Variants in ARID1A observed in about 807,000 individuals in gnomAD.
The protein encoded by ARID1A is AT-rich interaction domain 1A.
A neutral mutation model predicts 212.6 loss-of-function variants in ARID1A; 20 were observed. That is an observed-to-expected ratio of 0.09 (90% CI 0.07 to 0.14). ARID1A has a LOEUF of 0.14. ARID1A is among the 10% of genes least tolerant of loss of function. ARID1A has a pLI of 1.00. For missense variants in ARID1A, 2,587 were observed against 3,059.0 expected (o/e 0.85, Z 3.64); for synonymous variants, 1,376 against 1,222.1 (o/e 1.13, Z -2.63).
At position 26,696,431 on chromosome 1, in the gene ARID1A, G is replaced by A; in HGVS notation, c.28G>A (p.Ala10Thr). 4 of 1,291,436 alleles carry A rather than the reference G, an allele frequency of 3.1e-6. No homozygotes were observed. Among genetic ancestry groups the A allele is most frequent in the South Asian group, 2.3e-5 (1 of 43,950 alleles). The allele number at this position is 1,291,436 out of a possible 1,614,324, so 80.0% of individuals were successfully genotyped here. ...GGCCGCGCAGGTCGCCCCCGCCGCC[G>A]CCAGCAGCCTGGGCAACCCGCCGCC... MAAQVAPAA[A>T]SSLGNPPPPP... The change falls in exon 1 of 20, where the codon GCC becomes ACC. Residue 10 changes from alanine to threonine, a missense_variant. By Grantham distance (58) the Ala-to-Thr change is moderately conservative. Transcript: ENST00000324856.
rs1284353278 is a variant in ARID1A, at chr1:26,773,501, G to A, written c.3866+5G>A. On this transcript the variant is annotated splice_donor_5th_base_variant and intron_variant, in intron 15 of 19. Coordinates refer to ENST00000324856, the MANE Select transcript of ARID1A (RefSeq NM_006015.6). The stretch of plus-strand genomic sequence containing the variant: ...AGGTCCTTATGACAGAGTGAGGTAA[G>A]CATGACCCCAGCTCCTGTCCACTCC... 6.2e-7 allele frequency: 1 copy of A among 1,612,554 alleles called. No individual in the cohort carries two copies. Among genetic ancestry groups the A allele is most frequent in the Non-Finnish European group, 8.5e-7 (1 of 1,178,976 alleles).
chr1:26,745,271 C>G (rs1231213050), intron 4 of ARID1A, among the ~76,000 whole-genome samples: 1 of 152,106 alleles, frequency 6.6e-6, no homozygotes, highest in Non-Finnish European at 1.5e-5. Flanking sequence ...ACCTGTGGTC[C>G]AGAATCAGTA....
At chr1:26,772,701 G>T in intron 13 of ARID1A, 69 bp downstream of exon 13, 1 of 1,610,558 alleles carries the variant, frequency 6.2e-7, no homozygotes, top group Non-Finnish European at 8.5e-7. Context: ...ACTCCTTGCA[G>T]CCCAAGGTGG....
At position 26,774,698 on chromosome 1, in the gene ARID1A, G is replaced by A. The variant is rs2124119711; in HGVS notation, c.4471G>A (p.Val1491Ile). ...MGGPIQASAEVAQQGTMWQGR... is the reference protein window; with the variant it reads ...MGGPIQASAEIAQQGTMWQGR... The stretch of plus-strand genomic sequence containing the variant: ...CGGCCCCATACAGGCATCAGCTGAG[G>A]TTGCTCAGCAAGGCACCATGTGGCA... Residue 1491 changes from valine (V) to isoleucine (I), a missense_variant, in exon 18 of 20, where the codon GTT (valine) becomes ATT (isoleucine). Val to Ile is a conservative substitution (Grantham distance 29). Transcript: ENST00000324856. The surrounding 1 kb of genome is among the most constrained non-coding windows in gnomAD (Gnocchi z 5.6). 1 of 1,614,238 alleles carries A rather than the reference G, an allele frequency of 6.2e-7. No homozygotes were observed. The highest frequency in any genetic ancestry group is 8.5e-7 in the Non-Finnish European group (1 of 1,180,042).
intron 1 of ARID1A, chr1:26,729,272 G>A (rs758581482): frequency 2.7e-5 from 6 of 218,974 alleles, no homozygotes; most frequent in African/African-American, 9.0e-5. Flanking sequence ...TGAATTCCCC[G>A]TCATGGTATT....
chr1:26,737,807 G>A (rs377193836), intron 4 of ARID1A, among the ~76,000 whole-genome samples: 100 of 151,554 alleles, frequency 6.6e-4, no homozygotes, highest in African/African-American at 2.3e-3. Flanking sequence ...AGAGGTTGCG[G>A]TGAGCCAAGA....
intron 1 of ARID1A, among the ~76,000 whole-genome samples, chr1:26,707,189 G>A (rs933363962): frequency 2.7e-5 from 4 of 149,256 alleles, no homozygotes; most frequent in African/African-American, 4.9e-5. Flanking sequence ...ATGCGCCACC[G>A]CGGCTGGCTA....
chr1:26,707,692 T>C (rs1440238018), intron 1 of ARID1A, among the ~76,000 whole-genome samples: 1 of 152,216 alleles, frequency 6.6e-6, no homozygotes, highest in East Asian at 1.9e-4. Flanking sequence ...GTACTTATTA[T>C]GTGCTAAGCA....
At chr1:26,766,901 ATAGATGGGGTGTGCCATGGGCAAC>A (rs1458283588) in intron 10 of ARID1A, among the ~76,000 whole-genome samples, 1 of 152,092 alleles carries the variant, frequency 6.6e-6, no homozygotes, top group Admixed American at 6.5e-5. Context: ...TCAAGCATTG[ATAGATGGGGTGTGCCATGGGCAAC>A]TAGTTGCTCT....
intron 11 of ARID1A, chr1:26,770,583 C>T (rs2081074856): frequency 6.5e-6 from 1 of 153,266 alleles, no homozygotes; most frequent in Non-Finnish European, 1.5e-5. Context: ...CATGGTGAAA[C>T]CCCGTCTCTA....
At chr1:26,702,607 A>G (rs922361228) in intron 1 of ARID1A, among the ~76,000 whole-genome samples, 1 of 152,230 alleles carries the variant, frequency 6.6e-6, no homozygotes, top group Non-Finnish European at 1.5e-5. Context: ...AGGCAAATTA[A>G]TAAACAGTTT....
intron 8 of ARID1A, among the ~76,000 whole-genome samples, chr1:26,763,899 C>T (rs1043949475): frequency 6.6e-6 from 1 of 152,182 alleles, no homozygotes; most frequent in Admixed American, 6.5e-5. Context: ...AGTGATCCTC[C>T]CACCTCAGCC....
At chr1:26,747,947 C>G (rs2080853106) in intron 4 of ARID1A, among the ~76,000 whole-genome samples, 1 of 152,140 alleles carries the variant, frequency 6.6e-6, no homozygotes, top group Non-Finnish European at 1.5e-5. Context: ...GATTATAGCT[C>G]CCTTGTGTTC....
intron 1 of ARID1A, among the ~76,000 whole-genome samples, chr1:26,717,326 C>T (rs578026070): frequency 6.6e-6 from 1 of 152,222 alleles, no homozygotes; most frequent in African/African-American, 2.4e-5. Flanking sequence ...TGAACTGGCA[C>T]TGTAACAAGC....
chr1:26,761,510 G>C, intron 6 of ARID1A, 37 bp downstream of exon 6: 1 of 1,607,782 alleles, frequency 6.2e-7, no homozygotes, highest in African/African-American at 1.3e-5. Context: ...CAGGGAGCTA[G>C]GGCAGACATT....
chr1:26,764,517 G>C (rs1165194940), intron 8 of ARID1A: 1 of 152,168 alleles, frequency 6.6e-6, no homozygotes, highest in Non-Finnish European at 1.5e-5. Flanking sequence ...TCTGGTGCTA[G>C]AGTACAGAAG....
At chr1:26,699,595 G>A (rs1223234993) in intron 1 of ARID1A, among the ~76,000 whole-genome samples, 1 of 152,164 alleles carries the variant, frequency 6.6e-6, no homozygotes, top group African/African-American at 2.4e-5. Flanking sequence ...ACAAGAAATA[G>A]GGAAATGTTA....
chr1:26,742,819 A>C (rs184811489), intron 4 of ARID1A, among the ~76,000 whole-genome samples: 1 of 152,136 alleles, frequency 6.6e-6, no homozygotes, highest in Non-Finnish European at 1.5e-5. Context: ...AAATATAAAA[A>C]TTTAGCTGGG....
At chr1:26,722,452 G>T (rs901400255) in intron 1 of ARID1A, among the ~76,000 whole-genome samples, 1 of 152,144 alleles carries the variant, frequency 6.6e-6, no homozygotes, top group African/African-American at 2.4e-5. Context: ...CACCATGTTG[G>T]CCAGCCTGGT....
Sources: allele counts gnomAD v4.1 joint callset (sites outside exome capture counted in the v4.1 genomes callset), GRCh38; gene constraint gnomAD v4.1.1; non-coding constraint Gnocchi (gnomAD v3.1); transcripts MANE v1.5; gene names NCBI Gene and HGNC (gene_info 2026-07-23, HGNC 2026-07-21).